C12orf42: variants seen among roughly 807,000 people sequenced by gnomAD.
The protein encoded by C12orf42 is uncharacterized protein C12orf42.
In C12orf42, 25 loss-of-function variants were observed where a neutral mutation model predicts 21.6. The ratio of observed to expected loss-of-function variants is 1.16; its 90% confidence interval spans 0.84 to 1.62. C12orf42 has a LOEUF of 1.62. C12orf42 is among the 40% of genes most tolerant of loss of function. The pLI is 0.00. For missense variants in C12orf42, 483 were observed against 459.3 expected (o/e 1.05, Z -0.47); for synonymous variants, 174 against 175.0 (o/e 0.99, Z 0.05).
the C12orf42 span, among the ~76,000 whole-genome samples, chr12:103,123,649 T>G: frequency 6.6e-6 from 1 of 152,092 alleles, no homozygotes; most frequent in Non-Finnish European, 1.5e-5. Flanking sequence ...AAAAATGGAT[T>G]GAGATGTATT....
chr12:103,521,168 G>A, the C12orf42 span, among the ~76,000 whole-genome samples: 1 of 152,158 alleles, frequency 6.6e-6, no homozygotes, highest in East Asian at 1.9e-4. Flanking sequence ...AGTCTGAGAT[G>A]GCTCCAGCAC....
At chr12:103,447,402 C>T (rs774432198) in intron 2 of C12orf42, among the ~76,000 whole-genome samples, 3 of 151,924 alleles carry the variant, frequency 2.0e-5, no homozygotes, top group Non-Finnish European at 4.4e-5. Context: ...ATTGTCCACT[C>T]ACCACTTCTA....
chr12:103,159,787 C>G, the C12orf42 span, among the ~76,000 whole-genome samples: 1 of 152,338 alleles, frequency 6.6e-6, no homozygotes, highest in South Asian at 2.1e-4. Context: ...TGTGCACATG[C>G]ATCATCTCTC....
the C12orf42 span, chr12:103,550,704 T>C: frequency 6.6e-6 from 1 of 152,176 alleles, no homozygotes; most frequent in East Asian, 1.9e-4. Context: ...TTTCTATTTC[T>C]TTGATAGCTA....
At chr12:103,227,483 G>A in the C12orf42 span, among the ~76,000 whole-genome samples, 1 of 152,080 alleles carries the variant, frequency 6.6e-6, no homozygotes, top group Non-Finnish European at 1.5e-5. Flanking sequence ...ATAAGAGGCT[G>A]GGGTGTGGAA....
intron 4 of C12orf42, among the ~76,000 whole-genome samples, chr12:103,330,906 C>T (rs377285414): frequency 5.9e-5 from 9 of 152,182 alleles, no homozygotes; most frequent in African/African-American, 2.2e-4. Context: ...AATTGAAGTC[C>T]GCTACTGAAT....
chr12:103,178,333 C>T, the C12orf42 span: 1 of 152,166 alleles, frequency 6.6e-6, no homozygotes, highest in Admixed American at 6.5e-5. Flanking sequence ...GGCACTCACT[C>T]GGTGCCCTAC....
At chr12:103,198,512 G>A in the C12orf42 span, among the ~76,000 whole-genome samples, 1 of 152,202 alleles carries the variant, frequency 6.6e-6, no homozygotes, top group African/African-American at 2.4e-5. Context: ...TGATCCTTGT[G>A]AGATGGGCAT....
At chr12:103,083,103 G>A in the C12orf42 span, among the ~76,000 whole-genome samples, 73 of 152,262 alleles carry the variant, frequency 4.8e-4, no homozygotes, top group African/African-American at 1.6e-3. Context: ...GGTGGCTGAC[G>A]CCTGTAATTC....
At chr12:103,433,141 G>C (rs957708073) in intron 2 of C12orf42, among the ~76,000 whole-genome samples, 1 of 152,174 alleles carries the variant, frequency 6.6e-6, no homozygotes, top group Non-Finnish European at 1.5e-5. Flanking sequence ...ATTTGCGGTT[G>C]TGTCCGAGCA....
the C12orf42 span, among the ~76,000 whole-genome samples, chr12:103,211,737 C>T: frequency 3.3e-5 from 5 of 152,216 alleles, no homozygotes; most frequent in African/African-American, 1.2e-4. Flanking sequence ...CCTAGATTCC[C>T]GGCTCTCAGA....
chr12:103,109,221 A>G, the C12orf42 span, among the ~76,000 whole-genome samples: 17 of 152,220 alleles, frequency 1.1e-4, no homozygotes, highest in Non-Finnish European at 1.9e-4. Flanking sequence ...TAAAATCTGG[A>G]TGATATTGGC....
At chr12:103,144,438 C>G in the C12orf42 span, among the ~76,000 whole-genome samples, 4 of 152,110 alleles carry the variant, frequency 2.6e-5, no homozygotes, top group African/African-American at 9.7e-5. Flanking sequence ...TGTTTTCCAT[C>G]CATAAGCTAT....
chr12:103,100,890 G>A, the C12orf42 span, among the ~76,000 whole-genome samples: 1 of 152,188 alleles, frequency 6.6e-6, no homozygotes, highest in Admixed American at 6.5e-5. Context: ...GAGGTTTTTG[G>A]ATGACTAGGA....
At chr12:103,403,235 G>A (rs892691428) in intron 2 of C12orf42, among the ~76,000 whole-genome samples, 1 of 152,094 alleles carries the variant, frequency 6.6e-6, no homozygotes, top group Non-Finnish European at 1.5e-5. Context: ...AATTAGCCGG[G>A]AGTGGTGGCG....
intron 10 of C12orf42, among the ~76,000 whole-genome samples, chr12:103,254,205 T>C (rs2034444201): frequency 6.6e-6 from 1 of 152,188 alleles, no homozygotes; most frequent in African/African-American, 2.4e-5. Context: ...GGCTAGCCAC[T>C]TTTTCCAGCA....
intron 2 of C12orf42, among the ~76,000 whole-genome samples, chr12:103,416,034 G>GTTTT (rs3065787): frequency 6.8e-6 from 1 of 146,886 alleles, no homozygotes; most frequent in Non-Finnish European, 1.5e-5. Flanking sequence ...TGTTTAGTGG[G>GTTTT]TTTTTTTTTT....
At chr12:103,242,841 T>C (rs1225723726) in intron 10 of C12orf42, among the ~76,000 whole-genome samples, 1 of 152,150 alleles carries the variant, frequency 6.6e-6, no homozygotes, top group Non-Finnish European at 1.5e-5. Context: ...CAAAATAAAA[T>C]ATATTTCATA....
chr12:103,509,049 C>A, the C12orf42 span, among the ~76,000 whole-genome samples: 2 of 152,142 alleles, frequency 1.3e-5, no homozygotes, highest in African/African-American at 4.8e-5. Flanking sequence ...ATGTTAAGTA[C>A]CTTGCTCAAG....
Sources: allele counts gnomAD v4.1 joint callset (sites outside exome capture counted in the v4.1 genomes callset), GRCh38; gene constraint gnomAD v4.1.1; transcripts MANE v1.5; gene names NCBI Gene and HGNC (gene_info 2026-07-23, HGNC 2026-07-21).